NTM: variants seen among roughly 807,000 people sequenced by gnomAD.
NTM encodes the protein IgLON family member 2.
A neutral mutation model predicts 42.1 loss-of-function variants in NTM; 13 were observed. The observed-to-expected ratio is 0.31, with a 90% CI of 0.20 to 0.49. NTM has a LOEUF of 0.49. NTM is among the 20% of genes least tolerant of loss of function. The pLI, the probability that NTM is intolerant of heterozygous loss-of-function variation, is 0.99. For synonymous variants in NTM, 187 were observed against 179.2 expected, an observed-to-expected ratio of 1.04 and a Z score of -0.35; for missense variants, 373 against 452.8, an observed-to-expected ratio of 0.82 and a Z score of 1.60.
intron 1 of NTM, among the ~76,000 whole-genome samples, chr11:131,823,129 A>G (rs1054932239): frequency 1.3e-5 from 2 of 152,216 alleles, no homozygotes; most frequent in African/African-American, 4.8e-5. Flanking sequence ...AAAGGAAAGG[A>G]CAGTTATATT....
chr11:132,143,786 C>A (rs2069695441), intron 2 of NTM, among the ~76,000 whole-genome samples: 1 of 152,228 alleles, frequency 6.6e-6, no homozygotes, highest in Non-Finnish European at 1.5e-5. Flanking sequence ...AGATTTCAAA[C>A]TTATGTCGTT....
chr11:131,693,288 A>G (rs2075020034), intron 1 of NTM, among the ~76,000 whole-genome samples: 1 of 152,160 alleles, frequency 6.6e-6, no homozygotes, highest in Admixed American at 6.5e-5. Context: ...AGGGATGAGG[A>G]AAAAAATCTC....
intron 1 of NTM, among the ~76,000 whole-genome samples, chr11:131,832,448 A>G (rs1366347839): frequency 6.6e-6 from 1 of 152,218 alleles, no homozygotes; most frequent in Non-Finnish European, 1.5e-5. Flanking sequence ...AAAAGGTATC[A>G]TGATTCTAAA....
chr11:131,481,860 C>A (rs893395832), intron 1 of NTM, among the ~76,000 whole-genome samples: 3 of 152,140 alleles, frequency 2.0e-5, no homozygotes, highest in Non-Finnish European at 4.4e-5. Flanking sequence ...TAGGAACAGG[C>A]CTGTTATAGA....
At chr11:131,434,906 A>C (rs548617592) in intron 1 of NTM, among the ~76,000 whole-genome samples, 17 of 152,166 alleles carry the variant, frequency 1.1e-4, no homozygotes, top group South Asian at 2.1e-4. Flanking sequence ...TTTCTTCTAG[A>C]GTTTTTATGG....
intron 1 of NTM, among the ~76,000 whole-genome samples, chr11:131,412,822 G>A (rs1946563508): frequency 1.3e-5 from 2 of 152,038 alleles, no homozygotes; most frequent in Non-Finnish European, 1.5e-5. Flanking sequence ...GTGTGTGTAT[G>A]TTTCTTAATC....
At chr11:132,247,749 C>A (rs1395185537) in intron 4 of NTM, among the ~76,000 whole-genome samples, 2 of 152,186 alleles carry the variant, frequency 1.3e-5, no homozygotes, top group Non-Finnish European at 2.9e-5. Context: ...TACCTTCCTC[C>A]TTTCCTTTCC....
rs140663620 is a variant in NTM, at chr11:132,052,573, C to T, written c.168-93709C>T. Reference sequence around the variant, plus strand: ...AAGAGTGATAGATAATAACATTTTCCGGCAAGAAACAGCAGGAAATCTAAC... The same window carrying T: ...AAGAGTGATAGATAATAACATTTTCTGGCAAGAAACAGCAGGAAATCTAAC... On this transcript the variant is annotated intron_variant, in intron 2 of 8. Transcript: ENST00000683400. Among the ~76,000 whole-genome samples, 443 of 152,226 alleles carry T rather than the reference C, an allele frequency of 2.9e-3. 1 individual carries two copies. Among genetic ancestry groups the T allele is most frequent in the African/African-American group, 9.1e-3 (379 of 41,540 alleles).
chr11:131,972,055 A>AAAAAAAAAAAAAC (rs1465327493), intron 2 of NTM, among the ~76,000 whole-genome samples: 1 of 148,986 alleles, frequency 6.7e-6, no homozygotes. Flanking sequence ...AAAAAAAAAA[A>AAAAAAAAAAAAAC]AAAAAAAATT....
chr11:131,526,030 A>G (rs1591938329), intron 1 of NTM, among the ~76,000 whole-genome samples: 1 of 152,054 alleles, frequency 6.6e-6, no homozygotes, highest in Non-Finnish European at 1.5e-5. Context: ...TCAAGCATCC[A>G]TTGTACCAGG....
chr11:131,505,514 C>A (rs1019311221), intron 1 of NTM, among the ~76,000 whole-genome samples: 9 of 152,128 alleles, frequency 5.9e-5, no homozygotes, highest in African/African-American at 1.2e-4. Flanking sequence ...TGACATCCTG[C>A]GATTATTTAC....
At chr11:131,586,725 C>G (rs1009349378) in intron 1 of NTM, among the ~76,000 whole-genome samples, 1 of 152,134 alleles carries the variant, frequency 6.6e-6, no homozygotes, top group Non-Finnish European at 1.5e-5. Context: ...ATAATTAATA[C>G]AATGGGTTTT....
chr11:132,234,592 C>T (rs934101175), intron 4 of NTM, among the ~76,000 whole-genome samples: 3 of 152,132 alleles, frequency 2.0e-5, no homozygotes, highest in African/African-American at 7.2e-5. Flanking sequence ...TTAGGTATCT[C>T]CTCAGGACCT....
chr11:131,448,665 G>T (rs1209612989), intron 1 of NTM, among the ~76,000 whole-genome samples: 2 of 152,194 alleles, frequency 1.3e-5, no homozygotes, highest in South Asian at 2.1e-4. Flanking sequence ...CAGAGACACC[G>T]ACCCTGTCCT....
At chr11:131,415,625 G>A (rs1946864313) in intron 1 of NTM, among the ~76,000 whole-genome samples, 2 of 152,084 alleles carry the variant, frequency 1.3e-5, no homozygotes, top group South Asian at 4.1e-4. Flanking sequence ...CCAGACAGTA[G>A]CCACCTATCA....
chr11:131,597,321 GTCTCTCTGTC>G lies in NTM; in HGVS notation c.82+226448_82+226457del, dbSNP rs1215222664. Among the ~76,000 whole-genome samples, 7 of 152,054 alleles carry G rather than the reference GTCTCTCTGTC, an allele frequency of 4.6e-5. No homozygotes were observed. In the East Asian group the frequency reaches 5.8e-4, roughly 13 times the overall value. On this transcript the variant is annotated intron_variant, in intron 1 of 8. Coordinates refer to ENST00000683400, the MANE Select transcript of NTM (RefSeq NM_001352005.2). ...TGTCTACCCCTTTGTGTCTGCTTCT[GTCTCTCTGTC>G]TCTCTCTGTCTCTCCTCCCCTTTCC...
At chr11:132,007,442 G>A (rs1026834077) in intron 2 of NTM, among the ~76,000 whole-genome samples, 3 of 152,154 alleles carry the variant, frequency 2.0e-5, no homozygotes, top group South Asian at 2.1e-4. Flanking sequence ...TGAGCGTTAC[G>A]AAGCACAGCA....
intron 3 of NTM, among the ~76,000 whole-genome samples, chr11:132,169,389 G>A (rs1210701853): frequency 1.6e-5 from 2 of 121,596 alleles, no homozygotes; most frequent in Non-Finnish European, 3.2e-5. Context: ...AGGCTGGAGT[G>A]CAGTGGCGGG....
At chr11:131,531,164 T>A (rs567904174) in intron 1 of NTM, among the ~76,000 whole-genome samples, 1 of 152,190 alleles carries the variant, frequency 6.6e-6, no homozygotes, top group Admixed American at 6.5e-5. Context: ...TTAGACAGGA[T>A]CTCACTTTGT....
Sources: gnomAD v4.1 joint callset for allele counts (sites outside exome capture counted in the v4.1 genomes callset) on GRCh38, gnomAD v4.1.1 for gene constraint, MANE v1.5 for transcripts, NCBI Gene and HGNC (gene_info 2026-07-23, HGNC 2026-07-21) for gene names.